MAGI2: variants seen among roughly 807,000 people sequenced by gnomAD.
MAGI2 encodes the protein membrane-associated guanylate kinase, WW and PDZ domain-containing protein 2.
In MAGI2, 35 loss-of-function variants were observed where a neutral mutation model predicts 133.3. That is an observed-to-expected ratio of 0.26 (90% CI 0.20 to 0.35). The LOEUF is 0.35. MAGI2 is among the 10% of genes least tolerant of loss of function. The probability of loss-of-function intolerance (pLI) is 1.00; values close to 1 mark genes in which losing one functional copy is unlikely to be tolerated. For missense variants in MAGI2, 1,636 were observed against 1,863.4 expected, an observed-to-expected ratio of 0.88 and a Z score of 2.25; for synonymous variants, 729 against 710.6, an observed-to-expected ratio of 1.03 and a Z score of -0.41.
chr7:78,041,553 T>TCC (rs1810848919), intron 21 of MAGI2, among the ~76,000 whole-genome samples: 1 of 152,156 alleles, frequency 6.6e-6, no homozygotes, highest in Non-Finnish European at 1.5e-5. Flanking sequence ...TGCGTGCTTG[T>TCC]ACTCCTAGCT....
At chr7:78,108,156 G>A (rs958498457) in intron 20 of MAGI2, among the ~76,000 whole-genome samples, 36 of 151,952 alleles carry the variant, frequency 2.4e-4, no homozygotes, top group African/African-American at 8.2e-4. Context: ...TATCTCATAG[G>A]TTTTAGAATA....
chr7:79,354,626 C>T (rs1841899958), intron 1 of MAGI2, among the ~76,000 whole-genome samples: 1 of 152,092 alleles, frequency 6.6e-6, no homozygotes, highest in African/African-American at 2.4e-5. Context: ...TACCTCTGTC[C>T]AATAAGAGAG....
intron 2 of MAGI2, among the ~76,000 whole-genome samples, chr7:78,832,478 T>C (rs1180317173): frequency 6.6e-6 from 1 of 152,076 alleles, no homozygotes; most frequent in Non-Finnish European, 1.5e-5. Context: ...CGGGTGGAAA[T>C]AAAATAGTTT....
intron 21 of MAGI2, among the ~76,000 whole-genome samples, chr7:78,031,902 A>G (rs1442011187): frequency 6.6e-6 from 1 of 151,374 alleles, no homozygotes; most frequent in Non-Finnish European, 1.5e-5. Context: ...TAAACCGTTT[A>G]TGTGCAGGGC....
At chr7:78,768,449 G>A (rs1426948740) in intron 2 of MAGI2, among the ~76,000 whole-genome samples, 1 of 152,120 alleles carries the variant, frequency 6.6e-6, no homozygotes, top group Non-Finnish European at 1.5e-5. Flanking sequence ...TACTAAAGAG[G>A]CAAATCTTAT....
At chr7:78,635,625 C>T (rs79598146) in intron 2 of MAGI2, among the ~76,000 whole-genome samples, 7,009 of 152,224 alleles carry the variant, frequency 0.046, 229 homozygotes, top group East Asian at 0.083. Flanking sequence ...CATATATTCC[C>T]CCTTTCTTCT....
intron 1 of MAGI2, among the ~76,000 whole-genome samples, chr7:79,260,568 A>T (rs1563055905): frequency 6.6e-6 from 1 of 152,152 alleles, no homozygotes; most frequent in African/African-American, 2.4e-5. Context: ...CTAATCTGAA[A>T]ATCCAAATTC....
At chr7:79,266,882 T>C (rs1223877993) in intron 1 of MAGI2, among the ~76,000 whole-genome samples, 1 of 152,154 alleles carries the variant, frequency 6.6e-6, no homozygotes, top group Non-Finnish European at 1.5e-5. Context: ...GATAACATCT[T>C]AACATACGTT....
intron 1 of MAGI2, among the ~76,000 whole-genome samples, chr7:79,281,448 C>A (rs904458141): frequency 6.6e-6 from 1 of 151,778 alleles, no homozygotes; most frequent in Non-Finnish European, 1.5e-5. Flanking sequence ...ATCTGAAAAG[C>A]GATCTTTATG....
chr7:78,318,694 GA>G (rs1439308344), intron 9 of MAGI2, among the ~76,000 whole-genome samples: 18 of 152,228 alleles, frequency 1.2e-4, no homozygotes, highest in African/African-American at 4.3e-4. Flanking sequence ...TGAAATGAGG[GA>G]AAAAATGTTA....
At chr7:78,773,520 G>A (rs956678027) in intron 2 of MAGI2, among the ~76,000 whole-genome samples, 1 of 152,136 alleles carries the variant, frequency 6.6e-6, no homozygotes, top group Non-Finnish European at 1.5e-5. Context: ...ACCATACTAA[G>A]CACTGAGGGG....
chr7:79,106,318 C>A (rs1355816462), intron 1 of MAGI2, among the ~76,000 whole-genome samples: 1 of 150,878 alleles, frequency 6.6e-6, no homozygotes, highest in East Asian at 1.9e-4. Context: ...AAATTGATTG[C>A]AAAGATGAAG....
At chr7:78,852,317 A>C (rs2151482314) in intron 2 of MAGI2, among the ~76,000 whole-genome samples, 1 of 152,116 alleles carries the variant, frequency 6.6e-6, no homozygotes, top group South Asian at 2.1e-4. Flanking sequence ...ATTTTAGTCA[A>C]CTATATGTGT....
chr7:79,445,055 G>A (rs1848749233), intron 1 of MAGI2, among the ~76,000 whole-genome samples: 1 of 152,178 alleles, frequency 6.6e-6, no homozygotes, highest in African/African-American at 2.4e-5. Context: ...AGAAAAACAA[G>A]CAATGGGGAA....
chr7:79,365,528 T>C (rs1842641153), intron 1 of MAGI2, among the ~76,000 whole-genome samples: 1 of 152,124 alleles, frequency 6.6e-6, no homozygotes, highest in South Asian at 2.1e-4. Flanking sequence ...AATGGGATAC[T>C]ACTCAGCAAC....
intron 1 of MAGI2, among the ~76,000 whole-genome samples, chr7:79,440,701 G>C: frequency 6.6e-6 from 1 of 152,130 alleles, no homozygotes. Flanking sequence ...GTTTACATAA[G>C]TAAGAATTAT....
At chr7:78,495,841 T>C (rs996621704) in intron 5 of MAGI2, among the ~76,000 whole-genome samples, 5 of 152,182 alleles carry the variant, frequency 3.3e-5, no homozygotes, top group Non-Finnish European at 7.3e-5. Context: ...AACATTTATT[T>C]TCTGTCTGGA....
At chr7:78,466,424 C>A (rs1790640501) in intron 6 of MAGI2, among the ~76,000 whole-genome samples, 1 of 152,192 alleles carries the variant, frequency 6.6e-6, no homozygotes, top group South Asian at 2.1e-4. Context: ...TGCGTCCATT[C>A]AAATTTGTCC....
At chr7:78,062,598 TTC>T (rs1813399248) in intron 21 of MAGI2, among the ~76,000 whole-genome samples, 1 of 152,216 alleles carries the variant, frequency 6.6e-6, no homozygotes, top group African/African-American at 2.4e-5. Flanking sequence ...CTTCACCAAC[TTC>T]TCTTACTTCC....
Sources: gnomAD v4.1 joint callset for allele counts (sites outside exome capture counted in the v4.1 genomes callset) on GRCh38, gnomAD v4.1.1 for gene constraint, MANE v1.5 for transcripts, NCBI Gene and HGNC (gene_info 2026-07-23, HGNC 2026-07-21) for gene names.